Variants in ANO4 observed in about 807,000 individuals in gnomAD.
ANO4 encodes the protein anoctamin 4.
In ANO4, 69 loss-of-function variants were observed where a neutral mutation model predicts 141.9. The ratio of observed to expected loss-of-function variants is 0.49; its 90% CI spans 0.40 to 0.59. The LOEUF (loss-of-function observed/expected upper bound fraction) is 0.59, where lower values mean the gene tolerates loss of function less well. ANO4 is among the 20% of genes least tolerant of loss of function. The probability of loss-of-function intolerance (pLI) is 0.00; values close to 1 mark genes in which losing one functional copy is unlikely to be tolerated. For synonymous variants in ANO4, 350 were observed against 394.3 expected, an observed-to-expected ratio of 0.89 and a Z score of 1.33; for missense variants, 894 against 1,162.2, an observed-to-expected ratio of 0.77 and a Z score of 3.36.
chr12:101,089,283 G>T (rs952720900), intron 17 of ANO4, among the ~76,000 whole-genome samples: 1 of 151,884 alleles, frequency 6.6e-6, no homozygotes, highest in African/African-American at 2.4e-5. Flanking sequence ...TTAAATGCAG[G>T]TAGCTCATTA....
chr12:100,868,694 C>T (rs996924775), intron 1 of ANO4, among the ~76,000 whole-genome samples: 3 of 152,130 alleles, frequency 2.0e-5, no homozygotes, highest in Non-Finnish European at 4.4e-5. Context: ...CTCCTCCTCC[C>T]CCTTGTGGGA....
At chr12:100,938,927 AAAATT>A (rs1161917346) in intron 3 of ANO4, among the ~76,000 whole-genome samples, 1 of 152,184 alleles carries the variant, frequency 6.6e-6, no homozygotes, top group Non-Finnish European at 1.5e-5. Context: ...CTTAAATGAA[AAAATT>A]AAATTTAATT....
intron 3 of ANO4, among the ~76,000 whole-genome samples, chr12:100,771,129 A>T (rs2033279570): frequency 6.6e-6 from 1 of 152,196 alleles, no homozygotes; most frequent in Non-Finnish European, 1.5e-5. Flanking sequence ...GAACGGGTTA[A>T]ATTGGAACTA....
intron 22 of ANO4, among the ~76,000 whole-genome samples, chr12:101,101,094 A>G (rs1249440786): frequency 6.6e-6 from 1 of 152,218 alleles, no homozygotes; most frequent in Non-Finnish European, 1.5e-5. Flanking sequence ...CTGGTCTGCA[A>G]AGCCTTCTTT....
chr12:101,007,414 TTTATGAGCA>T (rs2045917889), intron 8 of ANO4, among the ~76,000 whole-genome samples: 1 of 152,158 alleles, frequency 6.6e-6, no homozygotes, highest in South Asian at 2.1e-4. Context: ...GAAACTACCA[TTTATGAGCA>T]TCATGTGTAT....
At chr12:100,848,237 G>T (rs1480259874) in intron 1 of ANO4, among the ~76,000 whole-genome samples, 2 of 151,990 alleles carry the variant, frequency 1.3e-5, no homozygotes, top group African/African-American at 4.8e-5. Flanking sequence ...CTCTGGTGTT[G>T]GGATAGCCCA....
At chr12:100,754,001 C>G (rs1347461588) in intron 3 of ANO4, among the ~76,000 whole-genome samples, 1 of 152,204 alleles carries the variant, frequency 6.6e-6, no homozygotes, top group Non-Finnish European at 1.5e-5. Flanking sequence ...TTGCAGTCAT[C>G]ATCCCTCAGT....
At chr12:101,122,317 T>C (rs952459589) in intron 26 of ANO4, among the ~76,000 whole-genome samples, 1 of 152,178 alleles carries the variant, frequency 6.6e-6, no homozygotes, top group Non-Finnish European at 1.5e-5. Flanking sequence ...AGTTTGCAAA[T>C]ATTTTCTCCC....
intron 2 of ANO4, among the ~76,000 whole-genome samples, chr12:100,738,389 A>C (rs1353486383): frequency 6.6e-6 from 1 of 152,184 alleles, no homozygotes; most frequent in Non-Finnish European, 1.5e-5. Context: ...AATTATGCAG[A>C]TCTTGTCATA....
chr12:100,904,509 C>A (rs558255230), intron 2 of ANO4, among the ~76,000 whole-genome samples: 31 of 152,072 alleles, frequency 2.0e-4, no homozygotes, highest in African/African-American at 7.5e-4. Context: ...GAGACAGCCA[C>A]GTGGATGTCT....
chr12:101,036,042 G>A (rs2136587291), intron 9 of ANO4, among the ~76,000 whole-genome samples: 1 of 152,272 alleles, frequency 6.6e-6, no homozygotes, highest in South Asian at 2.1e-4. Context: ...AAAATGGGCA[G>A]AGAAACTGAA....
In ANO4 at chr12:100,853,696, C is replaced by T. The variant is rs544854930; in HGVS notation, c.-140-47950C>T. ...TACTTTAGAAATTACAGCATACTTC[C>T]GTGACCTATTAACTTCCAATGTTGA... On this transcript the variant is annotated intron_variant, in intron 1 of 27. Transcript: ENST00000392977. 3.4e-4 allele frequency among the ~76,000 whole-genome samples: 51 copies of T among 152,206 alleles called. 1 individual carries two copies. The highest frequency in any genetic ancestry group is 1.2e-3 in the African/African-American group (48 of 41,546).
rs571936071 is a variant in ANO4, at chr12:100,784,979, T to A, written c.358+44874T>A. 1.2e-3 allele frequency among the ~76,000 whole-genome samples: 183 copies of A among 152,266 alleles called. 1 individual carries two copies. Among genetic ancestry groups the A allele is most frequent in the African/African-American group, 4.3e-3 (179 of 41,552 alleles). ...CTTCTATTCTCTCTCTCTCTTTCTC[T>A]TTTTAAACAAAGCCCTTTGTTTTCT... On this transcript the variant is annotated intron_variant, in intron 3 of 29. Transcript: ENST00000644049.
At chr12:100,871,228 A>G (rs950079024) in intron 1 of ANO4, among the ~76,000 whole-genome samples, 6 of 152,310 alleles carry the variant, frequency 3.9e-5, no homozygotes, top group East Asian at 1.9e-4. Context: ...GATGAGACAA[A>G]GAGGTATTAC....
chr12:100,730,315 C>G (rs979636985), intron 1 of ANO4, among the ~76,000 whole-genome samples: 1 of 151,908 alleles, frequency 6.6e-6, no homozygotes, highest in Admixed American at 6.6e-5. Context: ...CCTCCCCTGC[C>G]CCCCAAGAGT....
chr12:101,112,165 T>C (rs956467268), intron 24 of ANO4, among the ~76,000 whole-genome samples: 1 of 152,196 alleles, frequency 6.6e-6, no homozygotes, highest in Non-Finnish European at 1.5e-5. Context: ...ACATAGGAAA[T>C]ACGGAACTAG....
intron 3 of ANO4, among the ~76,000 whole-genome samples, chr12:100,786,158 A>G (rs2135594536): frequency 6.6e-6 from 1 of 152,334 alleles, no homozygotes; most frequent in Admixed American, 6.5e-5. Flanking sequence ...GATCAGCAAC[A>G]CTGAAGGAAT....
Position 101,110,428 on chromosome 12 carries a change from T to C in ANO4, c.2174T>C (p.Ile725Thr), listed in dbSNP as rs200708403. ...EMILQFGFTT[I>T]FVAAFPLAPL... ...GTTCTTCAGTTTGGATTCACAACTATCTTTGTGGCAGCTTTTCCCCTAGCA... is the reference window on the plus strand; with the variant it reads ...GTTCTTCAGTTTGGATTCACAACTACCTTTGTGGCAGCTTTTCCCCTAGCA... The change falls in exon 23 of 28, where the codon ATC becomes ACC. Residue 725 changes from isoleucine (I) to threonine (T), a missense_variant. By Grantham distance (89) the Ile-to-Thr change is moderately conservative. Coordinates refer to ENST00000392977, the MANE Select transcript of ANO4 (RefSeq NM_001286615.2). 3.7e-6 allele frequency: 6 copies of C among 1,609,772 alleles called. No homozygotes were observed. Among genetic ancestry groups the C allele is most frequent in the Non-Finnish European group, 5.1e-6 (6 of 1,178,498 alleles).
At chr12:101,110,258 G>C in intron 22 of ANO4, 146 bp from the exon 23 acceptor site, 1 of 808,280 alleles carries the variant, frequency 1.2e-6, no homozygotes. Flanking sequence ...CCAGTCTCCT[G>C]GCCATCTTTC....
Sources: allele counts gnomAD v4.1 joint callset (sites outside exome capture counted in the v4.1 genomes callset), GRCh38; gene constraint gnomAD v4.1.1; transcripts MANE v1.5; gene names NCBI Gene and HGNC (gene_info 2026-07-23, HGNC 2026-07-21).